Variants in TRIM55 observed in about 807,000 individuals in gnomAD.
TRIM55 encodes tripartite motif-containing protein 55.
In TRIM55, 50 loss-of-function variants were observed where a neutral mutation model predicts 60.9. The ratio of observed to expected loss-of-function variants is 0.82; its 90% CI spans 0.65 to 1.04. The LOEUF (loss-of-function observed/expected upper bound fraction) is 1.04. Among genes scored for constraint, TRIM55 ranks in the 50% least tolerant of loss-of-function variants. TRIM55 has a pLI of 0.00. For synonymous variants in TRIM55, 237 were observed against 238.1 expected, an observed-to-expected ratio of 1.00 and a Z score of 0.04; for missense variants, 681 against 666.9, an observed-to-expected ratio of 1.02 and a Z score of -0.23.
intron 1 of TRIM55, 115 bp from the exon 2 acceptor site, chr8:66,128,189 T>C (rs1678448153): frequency 9.7e-7 from 1 of 1,035,348 alleles, no homozygotes; most frequent in Non-Finnish European, 1.4e-6. Context: ...GATGATCTTA[T>C]GGCAAGCTTA....
chr8:66,136,089 G>C (rs1809465597), intron 3 of TRIM55, among the ~76,000 whole-genome samples: 1 of 152,238 alleles, frequency 6.6e-6, no homozygotes, highest in Admixed American at 6.5e-5. Context: ...TAAAGAAACA[G>C]ATTTTGCAAA....
the TRIM55 span, among the ~76,000 whole-genome samples, chr8:66,116,503 A>C: frequency 1.3e-5 from 2 of 150,984 alleles, no homozygotes; most frequent in East Asian, 3.9e-4. Flanking sequence ...GCTGCTCGGG[A>C]GGGTAAGGTA....
chr8:66,114,196 T>G, the TRIM55 span, among the ~76,000 whole-genome samples: 1 of 150,854 alleles, frequency 6.6e-6, no homozygotes, highest in Non-Finnish European at 1.5e-5. Flanking sequence ...CGTGGGGGAT[T>G]AGCTCAAATG....
intron 9 of TRIM55, among the ~76,000 whole-genome samples, chr8:66,164,295 C>T (rs1379595730): frequency 6.6e-6 from 1 of 152,198 alleles, no homozygotes; most frequent in Non-Finnish European, 1.5e-5. Flanking sequence ...GGTTGAGGTG[C>T]CTGATACCTT....
upstream of TRIM55, among the ~76,000 whole-genome samples, chr8:66,125,884 A>G (rs1044817143): frequency 1.3e-5 from 2 of 152,228 alleles, no homozygotes; most frequent in Non-Finnish European, 2.9e-5. Flanking sequence ...TTATTGCCCA[A>G]GGTTTTTAAA....
chr8:66,152,387 TGAA>T lies in TRIM55; in HGVS notation c.1010_1012del (p.Glu337del), dbSNP rs760311642. 137 of 1,579,302 alleles carry T rather than the reference TGAA, an allele frequency of 8.7e-5. No individual in the cohort carries two copies. Among genetic ancestry groups the T allele is most frequent in the African/African-American group, 4.8e-4 (35 of 73,298 alleles). On this transcript the variant is annotated inframe_deletion, in exon 8 of 10. Coordinates refer to ENST00000315962, the MANE Select transcript of TRIM55 (RefSeq NM_184085.2). The stretch of plus-strand genomic sequence containing the variant: ...ACCTTACCTTACCAGAAGATGAAGA[TGAA>T]GAAGAAGAAGAAGGCGGAGAAGGAG...
At chr8:66,165,988 G>GGGGGCCTTGGGGAAATTTACATCC (rs1811309852) in intron 9 of TRIM55, among the ~76,000 whole-genome samples, 1 of 150,850 alleles carries the variant, frequency 6.6e-6, no homozygotes, top group African/African-American at 2.4e-5. Context: ...GCCAGATATT[G>GGGGGCCTTGGGGAAATTTACATCC]GGGGCCTTGG....
intron 9 of TRIM55, among the ~76,000 whole-genome samples, chr8:66,164,968 AGGAAGGAG>A: frequency 6.9e-6 from 1 of 145,350 alleles, no homozygotes; most frequent in East Asian, 2.3e-4. Context: ...GAAGGAAGGA[AGGAAGGAG>A]GGGACTTATG....
At chr8:66,141,482 T>C (rs1382270827) in intron 4 of TRIM55, among the ~76,000 whole-genome samples, 1 of 152,094 alleles carries the variant, frequency 6.6e-6, no homozygotes, top group African/African-American at 2.4e-5. Context: ...TGGAACTGGA[T>C]GGGGGGCTGC....
Position 66,150,223 on chromosome 8 carries a change from A to G in TRIM55, c.844A>G (p.Lys282Glu). The change falls in exon 6 of 10, where the codon AAA becomes GAA. Residue 282 changes from lysine to glutamate, a missense_variant. Coordinates refer to ENST00000315962, the MANE Select transcript of TRIM55 (RefSeq NM_184085.2). ...PEMAVFLQNA[K>E]TLLKKISEAS... Reference sequence around the variant, plus strand: ...CTTTTGTTTGCTTTCACAGAATGCCAAAACCCTGCTAAAAAAGTAAGAACT... The same window carrying G: ...CTTTTGTTTGCTTTCACAGAATGCCGAAACCCTGCTAAAAAAGTAAGAACT... 1 of 1,613,186 alleles carries G rather than the reference A, an allele frequency of 6.2e-7. No homozygotes were observed. Among genetic ancestry groups the G allele is most frequent in the Non-Finnish European group, 8.5e-7 (1 of 1,179,440 alleles).
chr8:66,144,915 T>G (rs1488852617), intron 4 of TRIM55, among the ~76,000 whole-genome samples: 1 of 152,222 alleles, frequency 6.6e-6, no homozygotes, highest in Non-Finnish European at 1.5e-5. Context: ...CTATTCCATT[T>G]TTCAGGCTGC....
chr8:66,149,920 G>A (rs1418166542), intron 5 of TRIM55, 42 bp downstream of exon 5: 7 of 1,466,068 alleles, frequency 4.8e-6, no homozygotes, highest in Non-Finnish European at 6.6e-6. Context: ...CCAAAAGGTG[G>A]GTGTTGGAAA....
chr8:66,127,345 G>A lies in TRIM55; in HGVS notation c.77G>A (p.Cys26Tyr), dbSNP rs1353011200. ...GATAACTTAGAGAAGCAACTCATCT[G>A]TCCCATCTGCTTAGAGATGTTCACG... ...TMDNLEKQLI[C>Y]PICLEMFTKP... Residue 26 changes from cysteine (C) to tyrosine (Y), a missense_variant, in exon 1 of 10, where the codon TGT becomes TAT. Coordinates refer to ENST00000315962, the MANE Select transcript of TRIM55 (RefSeq NM_184085.2). 31 of 1,614,066 alleles carry A rather than the reference G, an allele frequency of 1.9e-5. No homozygotes were observed. The highest frequency in any genetic ancestry group is 2.5e-5 in the Non-Finnish European group (30 of 1,180,036).
intron 8 of TRIM55, 113 bp downstream of exon 8, chr8:66,152,740 T>C: frequency 7.2e-7 from 1 of 1,381,420 alleles, no homozygotes; most frequent in Non-Finnish European, 9.6e-7. Flanking sequence ...ATGCCAGACA[T>C]TCGTATATGG....
At chr8:66,146,438 A>G (rs1013532548) in intron 4 of TRIM55, among the ~76,000 whole-genome samples, 6 of 152,250 alleles carry the variant, frequency 3.9e-5, no homozygotes, top group East Asian at 1.9e-4. Flanking sequence ...TAGATTACAC[A>G]TGCTTCACAT....
At chr8:66,130,862 C>A (rs1039149825) in intron 2 of TRIM55, among the ~76,000 whole-genome samples, 1 of 151,610 alleles carries the variant, frequency 6.6e-6, no homozygotes, top group East Asian at 1.9e-4. Context: ...GGGGTTTCAC[C>A]GTGTTAGCCA....
At chr8:66,145,540 G>A (rs759835394) in intron 4 of TRIM55, among the ~76,000 whole-genome samples, 2 of 152,084 alleles carry the variant, frequency 1.3e-5, no homozygotes, top group Non-Finnish European at 2.9e-5. Flanking sequence ...ATCATACAAT[G>A]CCAGGTACAA....
At position 66,154,248 on chromosome 8, in the gene TRIM55, C is replaced by T. The variant is rs754147349; in HGVS notation, c.1438C>T (p.Arg480Trp). The change falls in exon 9 of 10, where the codon CGG becomes TGG. Residue 480 changes from arginine to tryptophan, a missense_variant. Arg to Trp is a moderately radical substitution (Grantham distance 101, BLOSUM62 -3). Transcript: ENST00000315962. Reference protein sequence around the residue: ...GPPGSEDSNVRKAEVAAAAAS... With the variant: ...GPPGSEDSNVWKAEVAAAAAS... The stretch of plus-strand genomic sequence containing the variant: ...TCCAGGTTCTGAGGATTCGAATGTA[C>T]GGAAGGCAGAAGTGGCAGCAGCCGC... The T allele has an allele frequency of 3.3e-5, 53 of 1,614,118 alleles. No individual in the cohort carries two copies. The highest frequency in any genetic ancestry group is 4.5e-5 in the East Asian group (2 of 44,870).
upstream of TRIM55, among the ~76,000 whole-genome samples, chr8:66,124,771 G>A (rs1015117937): frequency 1.3e-5 from 2 of 152,174 alleles, no homozygotes; most frequent in Non-Finnish European, 2.9e-5. Flanking sequence ...TTTGCACACT[G>A]GGAAATTCCT....
Sources: gnomAD v4.1 joint callset for allele counts (sites outside exome capture counted in the v4.1 genomes callset) on GRCh38, gnomAD v4.1.1 for gene constraint, MANE v1.5 for transcripts, NCBI Gene and HGNC (gene_info 2026-07-23, HGNC 2026-07-21) for gene names.